The following ZNF385B variants were observed in gnomAD, a reference collection of about 807,000 sequenced individuals.
The protein encoded by ZNF385B is zinc finger protein 385B, also known as zinc finger protein 533.
Under a neutral mutation model 39.2 loss-of-function variants are expected in ZNF385B, and 23 were observed. The observed-to-expected ratio is 0.59, with a 90% confidence interval of 0.42 to 0.83. ZNF385B has a LOEUF of 0.83. Among genes scored for constraint, ZNF385B ranks in the 40% least tolerant of loss-of-function variants. The pLI, the probability that ZNF385B is intolerant of heterozygous loss-of-function variation, is 0.00. For missense variants in ZNF385B, 552 were observed against 598.9 expected (o/e 0.92, Z 0.82); for synonymous variants, 205 against 222.6 (o/e 0.92, Z 0.70).
intron 3 of ZNF385B, among the ~76,000 whole-genome samples, chr2:179,749,319 T>C (rs550186800): frequency 6.6e-6 from 1 of 152,258 alleles, no homozygotes; most frequent in South Asian, 2.1e-4. Context: ...GTTAACATTA[T>C]GTGTGAGTGC....
At chr2:179,514,742 A>G (rs2057960388) in intron 5 of ZNF385B, among the ~76,000 whole-genome samples, 1 of 151,448 alleles carries the variant, frequency 6.6e-6, no homozygotes, top group African/African-American at 2.4e-5. Context: ...GAGGTTGGGA[A>G]GATGAGGAAA....
At position 179,699,677 on chromosome 2, in the gene ZNF385B, C is replaced by T. The variant is rs150504873; in HGVS notation, c.298+69826G>A. Among the ~76,000 whole-genome samples the T allele has an allele frequency of 2.0e-5, 3 of 152,278 alleles. No individual in the cohort carries two copies. The East Asian group carries it at 5.8e-4, about 29-fold the overall frequency. On this transcript the variant is annotated intron_variant, in intron 3 of 9. Coordinates refer to ENST00000410066, the MANE Select transcript of ZNF385B (RefSeq NM_152520.6). ...ATGATACCCACATGACAACCCTGATCCACTTGAGCAGGGAGGTTTCTTGTG... is the reference window on the plus strand; with the variant it reads ...ATGATACCCACATGACAACCCTGATTCACTTGAGCAGGGAGGTTTCTTGTG...
intron 3 of ZNF385B, among the ~76,000 whole-genome samples, chr2:179,578,874 C>T (rs748253884): frequency 5.3e-5 from 8 of 152,038 alleles, no homozygotes; most frequent in Non-Finnish European, 7.4e-5. Context: ...CTTATTTGAC[C>T]TCCTCTATGA....
intron 3 of ZNF385B, among the ~76,000 whole-genome samples, chr2:179,649,911 T>A (rs1693056884): frequency 6.6e-6 from 1 of 152,200 alleles, no homozygotes; most frequent in Non-Finnish European, 1.5e-5. Context: ...CAAAATACAT[T>A]TTAAGAACAT....
At chr2:179,837,881 C>T (rs543059013) in intron 1 of ZNF385B, among the ~76,000 whole-genome samples, 23 of 152,188 alleles carry the variant, frequency 1.5e-4, no homozygotes, top group Middle Eastern at 3.4e-3. Context: ...AAGGTAATAA[C>T]GTTCTATCAT....
chr2:179,813,723 A>G (rs1186129671), intron 1 of ZNF385B, among the ~76,000 whole-genome samples: 1 of 152,206 alleles, frequency 6.6e-6, no homozygotes, highest in Admixed American at 6.5e-5. Flanking sequence ...AAATCTCTTT[A>G]AAGTTAAGAA....
intron 3 of ZNF385B, among the ~76,000 whole-genome samples, chr2:179,580,085 T>A (rs1239414476): frequency 1.3e-5 from 2 of 152,158 alleles, no homozygotes; most frequent in Non-Finnish European, 2.9e-5. Context: ...ATATTGAACA[T>A]TCCAAACTTC....
chr2:179,640,966 AAG>A (rs1454735311), intron 3 of ZNF385B, among the ~76,000 whole-genome samples: 8 of 152,178 alleles, frequency 5.3e-5, no homozygotes, highest in Admixed American at 4.6e-4. Context: ...TCTCTCTGAA[AAG>A]AGTTATTTTC....
intron 1 of ZNF385B, among the ~76,000 whole-genome samples, chr2:179,797,751 C>A (rs565619467): frequency 6.6e-6 from 1 of 152,200 alleles, no homozygotes; most frequent in Non-Finnish European, 1.5e-5. Flanking sequence ...GAGGCTTGAT[C>A]AAATTGAGAT....
At chr2:179,487,958 C>G (rs1163310404) in intron 5 of ZNF385B, among the ~76,000 whole-genome samples, 1 of 152,146 alleles carries the variant, frequency 6.6e-6, no homozygotes, top group Non-Finnish European at 1.5e-5. Flanking sequence ...ATGTTTTCTT[C>G]CATTAATAAC....
At chr2:179,652,006 T>G (rs534850092) in intron 3 of ZNF385B, among the ~76,000 whole-genome samples, 1 of 152,292 alleles carries the variant, frequency 6.6e-6, no homozygotes, top group South Asian at 2.1e-4. Flanking sequence ...AAAACTGTAC[T>G]GCCAGAGAAA....
chr2:179,745,672 C>A, intron 3 of ZNF385B: 1 of 1,512,258 alleles, frequency 6.6e-7, no homozygotes, highest in South Asian at 1.3e-5. Flanking sequence ...TTACTGACAT[C>A]CCAGACCCCA....
chr2:179,753,563 T>C lies in ZNF385B; in HGVS notation c.298+15940A>G, dbSNP rs71551739. Among the ~76,000 whole-genome samples, 3 of 152,302 alleles carry C rather than the reference T, an allele frequency of 2.0e-5. No homozygotes were observed. The East Asian group carries it at 5.8e-4, about 29-fold the overall frequency. On this transcript the variant is annotated intron_variant, in intron 3 of 9. Transcript: ENST00000410066. ...ATTGTCACGATATTTATTATTCCTA[T>C]CCATGACCATGGAATTCTTCCATTT...
In ZNF385B at chr2:179,581,319, T is replaced by C. The variant is rs545250600; in HGVS notation, c.299-36350A>G. Among the ~76,000 whole-genome samples, 157 of 152,312 alleles carry C rather than the reference T, an allele frequency of 1.0e-3. 1 individual carries two copies. The highest frequency in any genetic ancestry group is 9.7e-4 in the Non-Finnish European group (66 of 68,020). ...TTTCCTGAACTAGAAGGGAAACTAG[T>C]TGTTACATATAAAAACAAGTACAGT... On this transcript the variant is annotated intron_variant, in intron 3 of 9. Transcript: ENST00000410066.
intron 3 of ZNF385B, among the ~76,000 whole-genome samples, chr2:179,679,535 T>C (rs1697312215): frequency 6.6e-6 from 1 of 152,230 alleles, no homozygotes; most frequent in South Asian, 2.1e-4. Flanking sequence ...ATGGTAATGG[T>C]AATCATTCTG....
intron 5 of ZNF385B, among the ~76,000 whole-genome samples, chr2:179,488,433 T>C (rs1439324285): frequency 6.6e-6 from 1 of 152,168 alleles, no homozygotes; most frequent in Non-Finnish European, 1.5e-5. Flanking sequence ...CGAGAGCCAC[T>C]GCGCACGGCC....
At chr2:179,532,777 C>T (rs771250121) in intron 4 of ZNF385B, among the ~76,000 whole-genome samples, 4 of 152,272 alleles carry the variant, frequency 2.6e-5, no homozygotes, top group Non-Finnish European at 5.9e-5. Flanking sequence ...AGTCAAGAAT[C>T]ACCAAATTTC....
chr2:179,461,604 A>T (rs1256828184), intron 6 of ZNF385B, among the ~76,000 whole-genome samples: 4 of 152,214 alleles, frequency 2.6e-5, no homozygotes, highest in Non-Finnish European at 5.9e-5. Context: ...TTTAGCCAGA[A>T]AAACCTGGCT....
chr2:179,509,858 T>G (rs1478160177), intron 5 of ZNF385B, among the ~76,000 whole-genome samples: 1 of 152,212 alleles, frequency 6.6e-6, no homozygotes, highest in African/African-American at 2.4e-5. Context: ...GCAATGAAAT[T>G]ATCACTACTG....
Sources: gnomAD v4.1 joint callset for allele counts (sites outside exome capture counted in the v4.1 genomes callset) on GRCh38, gnomAD v4.1.1 for gene constraint, MANE v1.5 for transcripts, NCBI Gene and HGNC (gene_info 2026-07-23, HGNC 2026-07-21) for gene names.